Variants in TOM1L2 observed in about 807,000 individuals in gnomAD.
TOM1L2 encodes the protein target of myb1 like 2 membrane trafficking protein.
Under a neutral mutation model 67.9 loss-of-function variants are expected in TOM1L2, and 31 were observed. That is an observed-to-expected ratio of 0.46 (90% CI 0.34 to 0.62). The LOEUF (loss-of-function observed/expected upper bound fraction) is 0.62. Ranked by LOEUF, TOM1L2 falls within the 20% of genes least tolerant of loss-of-function variation. TOM1L2 has a pLI of 0.01. For synonymous variants in TOM1L2, 256 were observed against 254.0 expected (o/e 1.01, Z -0.07); for missense variants, 606 against 663.5 (o/e 0.91, Z 0.95).
At chr17:17,910,298 C>T (rs1023499073) in intron 1 of TOM1L2, among the ~76,000 whole-genome samples, 1 of 152,316 alleles carries the variant, frequency 6.6e-6, no homozygotes, top group South Asian at 2.1e-4. Context: ...CTCCCTTCCC[C>T]CTCTGGGATG....
chr17:17,933,063 A>G (rs1182094159), intron 1 of TOM1L2, among the ~76,000 whole-genome samples: 1 of 152,226 alleles, frequency 6.6e-6, no homozygotes, highest in East Asian at 1.9e-4. Flanking sequence ...TCAGGGAACA[A>G]GAAGAAATCT....
chr17:17,918,535 AG>A (rs1000447493), intron 1 of TOM1L2, among the ~76,000 whole-genome samples: 5 of 152,214 alleles, frequency 3.3e-5, no homozygotes, highest in African/African-American at 1.2e-4. Flanking sequence ...AAAAATTGCA[AG>A]AGGGTGAAAA....
chr17:17,960,854 C>T (rs970176314), intron 1 of TOM1L2, among the ~76,000 whole-genome samples: 3 of 152,186 alleles, frequency 2.0e-5, no homozygotes, highest in Admixed American at 2.0e-4. Context: ...TAGCACCATC[C>T]TTATCTTTAA....
At chr17:17,938,225 T>C (rs926382229) in intron 1 of TOM1L2, among the ~76,000 whole-genome samples, 2 of 152,242 alleles carry the variant, frequency 1.3e-5, no homozygotes, top group African/African-American at 4.8e-5. Flanking sequence ...ACGTGGGATG[T>C]GCTGCCTATG....
At chr17:17,872,615 G>A (rs373526882) in intron 7 of TOM1L2, among the ~76,000 whole-genome samples, 22 of 152,328 alleles carry the variant, frequency 1.4e-4, no homozygotes, top group African/African-American at 2.4e-4. Flanking sequence ...GGACTGTTCC[G>A]GGCCACCGTG....
intron 3 of TOM1L2, among the ~76,000 whole-genome samples, chr17:17,897,667 AAG>A (rs1223900690): frequency 1.3e-5 from 2 of 152,202 alleles, no homozygotes; most frequent in African/African-American, 4.8e-5. Context: ...TGACTTTTTC[AAG>A]AGTCTTTGTA....
At chr17:17,863,079 C>A (rs1021121674) in intron 10 of TOM1L2, among the ~76,000 whole-genome samples, 1 of 152,110 alleles carries the variant, frequency 6.6e-6, no homozygotes, top group Non-Finnish European at 1.5e-5. Flanking sequence ...GCGAAAGAGT[C>A]ATAACAAAAA....
intron 13 of TOM1L2, chr17:17,849,085 A>C: frequency 5.3e-6 from 3 of 561,260 alleles, no homozygotes; most frequent in Admixed American, 6.5e-5. Flanking sequence ...AAATTCAAAC[A>C]TGTTTTAGGT....
chr17:17,936,158 CCTTAG>C (rs2040507425), intron 1 of TOM1L2, among the ~76,000 whole-genome samples: 1 of 152,226 alleles, frequency 6.6e-6, no homozygotes, highest in Non-Finnish European at 1.5e-5. Context: ...CGGCCTCTGG[CCTTAG>C]CTCCCCCAGG....
At chr17:17,907,115 G>A (rs985773619) in intron 2 of TOM1L2, among the ~76,000 whole-genome samples, 2 of 152,256 alleles carry the variant, frequency 1.3e-5, no homozygotes, top group Admixed American at 1.3e-4. Flanking sequence ...GCAGAGGCCA[G>A]GGAGGAGGGG....
chr17:17,930,266 T>A (rs1301962024), intron 1 of TOM1L2, among the ~76,000 whole-genome samples: 1 of 152,128 alleles, frequency 6.6e-6, no homozygotes, highest in Non-Finnish European at 1.5e-5. Context: ...ATTACCAACA[T>A]ACAAACTTTA....
intron 1 of TOM1L2, among the ~76,000 whole-genome samples, chr17:17,965,333 C>T (rs571163443): frequency 6.6e-6 from 1 of 152,270 alleles, no homozygotes; most frequent in South Asian, 2.1e-4. Flanking sequence ...CCAGTCTCAC[C>T]CCCTATCACT....
At chr17:17,938,216 C>T (rs1457849735) in intron 1 of TOM1L2, among the ~76,000 whole-genome samples, 1 of 152,182 alleles carries the variant, frequency 6.6e-6, no homozygotes, top group Non-Finnish European at 1.5e-5. Flanking sequence ...AAGAGACCAA[C>T]GTGGGATGTG....
chr17:17,967,010 C>T (rs1351139978), intron 1 of TOM1L2, among the ~76,000 whole-genome samples: 1 of 152,160 alleles, frequency 6.6e-6, no homozygotes, highest in Non-Finnish European at 1.5e-5. Flanking sequence ...ACTGTGGGAC[C>T]TCATCTTGTG....
intron 1 of TOM1L2, among the ~76,000 whole-genome samples, chr17:17,946,483 G>C (rs1020856108): frequency 6.6e-6 from 1 of 151,960 alleles, no homozygotes; most frequent in South Asian, 2.1e-4. Flanking sequence ...GTTTGTGTCT[G>C]GCTTCTTTCA....
chr17:17,870,305 G>A (rs1440817612), intron 7 of TOM1L2, among the ~76,000 whole-genome samples: 1 of 152,144 alleles, frequency 6.6e-6, no homozygotes, highest in Non-Finnish European at 1.5e-5. Context: ...TGGCTTCCAT[G>A]AGCCTTCCCT....
At chr17:17,866,491 C>T in intron 9 of TOM1L2, 72 bp from the exon 10 acceptor site, 1 of 1,489,340 alleles carries the variant, frequency 6.7e-7, no homozygotes, top group Non-Finnish European at 9.0e-7. Flanking sequence ...GCTGGCAAGG[C>T]AACTATGCAG....
intron 4 of TOM1L2, among the ~76,000 whole-genome samples, chr17:17,892,576 C>A (rs576756078): frequency 4.6e-5 from 7 of 152,172 alleles, no homozygotes; most frequent in Non-Finnish European, 1.0e-4. Context: ...GGCCACTGGC[C>A]TCTGGGCATC....
intron 4 of TOM1L2, among the ~76,000 whole-genome samples, chr17:17,892,149 TGAG>T (rs905710602): frequency 1.3e-4 from 20 of 152,204 alleles, no homozygotes; most frequent in Middle Eastern, 3.4e-3. Context: ...CACCTGTGAA[TGAG>T]GAGGAGGAGT....
Sources: allele counts gnomAD v4.1 joint callset (sites outside exome capture counted in the v4.1 genomes callset), GRCh38; gene constraint gnomAD v4.1.1; transcripts MANE v1.5; gene names NCBI Gene and HGNC (gene_info 2026-07-23, HGNC 2026-07-21).